UIMC1: variants seen among roughly 807,000 people sequenced by gnomAD.
The protein encoded by UIMC1 is BRCA1-A complex subunit RAP80.
UIMC1 carries 42 observed loss-of-function variants against 84.9 expected under a neutral mutation model. The observed-to-expected ratio is 0.49, with a 90% CI of 0.39 to 0.64. UIMC1 has a LOEUF of 0.64. Ranked by LOEUF, UIMC1 falls within the 30% of genes least tolerant of loss-of-function variation. The pLI is 0.00. For synonymous variants in UIMC1, 281 were observed against 293.0 expected (o/e 0.96, Z 0.42); for missense variants, 825 against 847.6 (o/e 0.97, Z 0.33).
intron 10 of UIMC1, among the ~76,000 whole-genome samples, chr5:176,941,294 T>C (rs901984253): frequency 2.0e-5 from 3 of 152,270 alleles, no homozygotes; most frequent in Non-Finnish European, 4.4e-5. Flanking sequence ...TATCTGCACA[T>C]TGAAAGAGCT....
intron 1 of UIMC1, among the ~76,000 whole-genome samples, chr5:176,989,638 C>T (rs1772512909): frequency 6.6e-6 from 1 of 151,748 alleles, no homozygotes; most frequent in African/African-American, 2.4e-5. Flanking sequence ...GCCTAGTCAA[C>T]CGACCAAGAC....
intron 1 of UIMC1, among the ~76,000 whole-genome samples, chr5:176,987,588 T>A (rs1009633361): frequency 1.3e-5 from 2 of 151,880 alleles, no homozygotes; most frequent in African/African-American, 4.8e-5. Context: ...AGGGCAGAGG[T>A]TGCAGTGAGC....
intron 10 of UIMC1, among the ~76,000 whole-genome samples, chr5:176,932,378 T>C (rs1274900562): frequency 6.6e-6 from 1 of 152,228 alleles, no homozygotes; most frequent in Non-Finnish European, 1.5e-5. Flanking sequence ...TTAAGTACAT[T>C]TTGTATTATT....
intron 2 of UIMC1, among the ~76,000 whole-genome samples, chr5:176,979,807 G>C (rs1034131211): frequency 6.6e-6 from 1 of 152,060 alleles, no homozygotes; most frequent in African/African-American, 2.4e-5. Context: ...TACTATAATG[G>C]TTAATTTTAG....
intron 10 of UIMC1, among the ~76,000 whole-genome samples, chr5:176,938,176 T>A (rs1763934552): frequency 2.0e-5 from 2 of 99,936 alleles, no homozygotes. Flanking sequence ...GGCTACAGAG[T>A]AAGACCCTGT....
intron 10 of UIMC1, among the ~76,000 whole-genome samples, chr5:176,921,015 T>G (rs934287982): frequency 6.6e-6 from 1 of 152,234 alleles, no homozygotes; most frequent in African/African-American, 2.4e-5. Flanking sequence ...TCAAATGCTT[T>G]TTCTGTGTCC....
chr5:176,980,487 T>G (rs1367993391), intron 2 of UIMC1, among the ~76,000 whole-genome samples: 1 of 152,044 alleles, frequency 6.6e-6, no homozygotes, highest in Non-Finnish European at 1.5e-5. Flanking sequence ...ACAAAATTTT[T>G]TTTCCGAGGA....
chr5:176,986,025 G>T (rs1258672396), intron 1 of UIMC1, among the ~76,000 whole-genome samples: 1 of 151,970 alleles, frequency 6.6e-6, no homozygotes, highest in Non-Finnish European at 1.5e-5. Context: ...GCCAAGGCAG[G>T]AGGATCACTT....
At position 177,018,570 on chromosome 5, in the gene UIMC1, T is replaced by A. The variant is rs148605545; in HGVS notation, c.-9+3894A>T. On this transcript the variant is annotated intron_variant, in intron 1 of 5. Transcript: ENST00000509236. ...CCCATGGCAACAATACACAGTAGGA[T>A]GTGTTGGAAAATGGTTCTCATTTTC... is the stretch of plus-strand genomic sequence containing the variant. 1.3e-3 allele frequency among the ~76,000 whole-genome samples: 197 copies of A among 152,202 alleles called. 2 individuals carry two copies. Among genetic ancestry groups the A allele is most frequent in the Non-Finnish European group, 1.0e-3 (70 of 68,012 alleles).
intron 6 of UIMC1, among the ~76,000 whole-genome samples, chr5:176,959,387 T>A (rs1187251048): frequency 6.6e-6 from 1 of 152,228 alleles, no homozygotes; most frequent in Non-Finnish European, 1.5e-5. Context: ...TGCCTTAGGC[T>A]AAAGCATATC....
At chr5:176,952,103 A>G (rs1300330719) in intron 8 of UIMC1, among the ~76,000 whole-genome samples, 1 of 152,230 alleles carries the variant, frequency 6.6e-6, no homozygotes, top group African/African-American at 2.4e-5. Context: ...GCTGAGTAGC[A>G]TTCCATTGTA....
chr5:176,937,020 G>A (rs1294562751), intron 10 of UIMC1, among the ~76,000 whole-genome samples: 1 of 152,192 alleles, frequency 6.6e-6, no homozygotes, highest in Non-Finnish European at 1.5e-5. Flanking sequence ...CACTGTATCT[G>A]TTATATAGTA....
chr5:177,012,022 G>T (rs756601637), intron 1 of UIMC1, among the ~76,000 whole-genome samples: 1 of 152,048 alleles, frequency 6.6e-6, no homozygotes, highest in African/African-American at 2.4e-5. Flanking sequence ...GGATAGTCTC[G>T]ATCTCCTGAC....
intron 1 of UIMC1, among the ~76,000 whole-genome samples, chr5:176,997,350 C>A (rs1773752419): frequency 6.6e-6 from 1 of 152,042 alleles, no homozygotes; most frequent in Non-Finnish European, 1.5e-5. Context: ...CACACCAAAG[C>A]TGTTTTCTTT....
intron 7 of UIMC1, among the ~76,000 whole-genome samples, chr5:176,957,315 A>AT (rs1766730033): frequency 6.6e-6 from 1 of 152,224 alleles, no homozygotes; most frequent in South Asian, 2.1e-4. Context: ...GAGAACAGTC[A>AT]TGCAGTTCAA....
At chr5:176,954,466 T>C (rs907716209) in intron 8 of UIMC1, among the ~76,000 whole-genome samples, 5 of 152,042 alleles carry the variant, frequency 3.3e-5, no homozygotes, top group Admixed American at 6.6e-5. Flanking sequence ...CTGAGCACGA[T>C]GGTTCATGCC....
chr5:176,990,180 CAA>C (rs1054107527), intron 1 of UIMC1, among the ~76,000 whole-genome samples: 1 of 117,118 alleles, frequency 8.5e-6, no homozygotes. Flanking sequence ...GACTCTGTTA[CAA>C]AAAAAAAAAA....
intron 10 of UIMC1, among the ~76,000 whole-genome samples, chr5:176,915,793 C>CAAAAAAGAAAAAAAAA (rs1760902847): frequency 2.3e-5 from 1 of 42,664 alleles, no homozygotes; most frequent in African/African-American, 8.8e-5. Flanking sequence ...GGTCACAAAG[C>CAAAAAAGAAAAAAAAA]AAAAAAAAAA....
At chr5:176,975,729 A>T (rs1428511774) in intron 2 of UIMC1, among the ~76,000 whole-genome samples, 1 of 152,234 alleles carries the variant, frequency 6.6e-6, no homozygotes, top group Non-Finnish European at 1.5e-5. Context: ...GTCAGACAAA[A>T]ACTAGTCTAT....
Sources: gnomAD v4.1 joint callset for allele counts (sites outside exome capture counted in the v4.1 genomes callset) on GRCh38, gnomAD v4.1.1 for gene constraint, MANE v1.5 for transcripts, NCBI Gene and HGNC (gene_info 2026-07-23, HGNC 2026-07-21) for gene names.